WNK2: variants seen among roughly 807,000 people sequenced by gnomAD.
WNK2 encodes the protein serine/threonine-protein kinase WNK2.
Under a neutral mutation model 192.1 loss-of-function variants are expected in WNK2, and 67 were observed. The ratio of observed to expected loss-of-function variants is 0.35; its 90% CI spans 0.29 to 0.43. The LOEUF (loss-of-function observed/expected upper bound fraction) is 0.43. WNK2 is among the 20% of genes least tolerant of loss of function. The pLI is 1.00. For missense variants in WNK2, 2,698 were observed against 3,089.7 expected, an observed-to-expected ratio of 0.87 and a Z score of 3.01; for synonymous variants, 1,439 against 1,393.9, an observed-to-expected ratio of 1.03 and a Z score of -0.72.
chr9:93,280,673 T>C (rs1847595260), intron 19 of WNK2, among the ~76,000 whole-genome samples: 1 of 152,234 alleles, frequency 6.6e-6, no homozygotes, highest in Non-Finnish European at 1.5e-5. Context: ...TTCATCTTCA[T>C]TGAAGTCAGA....
intron 2 of WNK2, among the ~76,000 whole-genome samples, chr9:93,228,013 G>C (rs1838109681): frequency 6.6e-6 from 1 of 152,150 alleles, no homozygotes; most frequent in African/African-American, 2.4e-5. Flanking sequence ...TTACTTACTT[G>C]TGTCAACTTA....
chr9:93,292,854 A>G lies in WNK2; in HGVS notation c.5389A>G (p.Ile1797Val). ...AVRRAQTASS[I>V]EVGVGEPVSS... ...GCGGCGGGCGCAGACGGCCTCCTCC[A>G]TCGAGGTCGGCGTGGGCGAGCCCGT... Residue 1797 changes from isoleucine (I) to valine (V), a missense_variant, in exon 23 of 30, where the codon ATC becomes GTC. By Grantham distance (29) the Ile-to-Val change is conservative (BLOSUM62 3). This residue lies in a region of WNK2 where 1,098 missense variants were observed against 1,101.0 expected (regional missense o/e 1.00). Coordinates refer to ENST00000427277, the MANE Select transcript of WNK2 (RefSeq NM_006648.4). The G allele has an allele frequency of 1.3e-6, 2 of 1,493,804 alleles. No individual in the cohort carries two copies. Among genetic ancestry groups the G allele is most frequent in the Non-Finnish European group, 1.8e-6 (2 of 1,120,592 alleles). The allele number at this position is 1,493,804 out of a possible 1,614,324, so 92.5% of individuals were successfully genotyped here. A position where few individuals can be genotyped will look rare whatever the true frequency, so the allele number is the denominator to read the frequency against.
intron 2 of WNK2, among the ~76,000 whole-genome samples, chr9:93,193,345 A>G (rs889520797): frequency 6.6e-6 from 1 of 152,070 alleles, no homozygotes; most frequent in Non-Finnish European, 1.5e-5. Context: ...TGGGGGCTCT[A>G]TTGAGAGAAA....
intron 19 of WNK2, 92 bp downstream of exon 19, chr9:93,268,838 A>T: frequency 6.3e-7 from 1 of 1,575,998 alleles, no homozygotes; most frequent in East Asian, 2.4e-5. Flanking sequence ...CCCCGTGCCC[A>T]GGTCCATGCA....
intron 11 of WNK2, among the ~76,000 whole-genome samples, chr9:93,258,660 A>C (rs559572972): frequency 6.6e-6 from 1 of 152,050 alleles, no homozygotes; most frequent in Non-Finnish European, 1.5e-5. Context: ...CCTGCGCTGG[A>C]CCAGGGGTGA....
At chr9:93,273,303 A>G (rs1222891628) in intron 19 of WNK2, among the ~76,000 whole-genome samples, 2 of 152,206 alleles carry the variant, frequency 1.3e-5, no homozygotes, top group Admixed American at 1.3e-4. Flanking sequence ...GACTGCAGGC[A>G]CACACCACTG....
intron 2 of WNK2, among the ~76,000 whole-genome samples, chr9:93,216,073 C>A (rs568812925): frequency 2.0e-5 from 3 of 152,296 alleles, no homozygotes; most frequent in African/African-American, 7.2e-5. Context: ...TTGGTCTGTT[C>A]TGTTTTATCC....
Position 93,259,095 on chromosome 9 carries a change from T to A in WNK2, c.2547T>A (p.Pro849=), listed in dbSNP as rs750811844. The A allele has an allele frequency of 6.2e-7, 1 of 1,611,120 alleles. No homozygotes were observed. Among genetic ancestry groups the A allele is most frequent in the East Asian group, 2.2e-5 (1 of 44,742 alleles). The change falls in exon 12 of 30, where the codon CCT becomes CCA. Residue 849 remains proline, a synonymous_variant. Coordinates refer to ENST00000427277, the MANE Select transcript of WNK2 (RefSeq NM_006648.4). This position sits in a 1 kb window ranked among gnomAD's most constrained non-coding sequence, Gnocchi z 4.8. ...ILPSLAAPLP[P]ASPALPLQAV... ...CGAGCCTCGCTGCCCCACTCCCCCCTGCGTCCCCAGCCTTGCCTCTGCAGG... is the reference window on the plus strand; with the variant it reads ...CGAGCCTCGCTGCCCCACTCCCCCCAGCGTCCCCAGCCTTGCCTCTGCAGG...
Position 93,318,069 on chromosome 9 carries a change from A to G in WNK2, c.6628+438A>G, listed in dbSNP as rs373398835. 3.7e-6 allele frequency: 6 copies of G among 1,609,034 alleles called. No homozygotes were observed. In the African/African-American group the frequency reaches 8.0e-5, roughly 22 times the overall value. ...CGCCGTCTCCACACCCACTTCCTAT[A>G]CTTGAGTTGATGGTTAGAACCTTGT... On this transcript the variant is annotated intron_variant, in intron 29 of 29. Transcript: ENST00000427277.
chr9:93,282,875 TTTTAA>T (rs1277319931), intron 19 of WNK2, among the ~76,000 whole-genome samples: 1 of 152,188 alleles, frequency 6.6e-6, no homozygotes, highest in Non-Finnish European at 1.5e-5. Context: ...CACAGAATAT[TTTTAA>T]TTTAACTTTA....
At position 93,231,081 on chromosome 9, in the gene WNK2, A is replaced by G. The variant is rs1165227912; in HGVS notation, c.1048A>G (p.Arg350Gly). ...CGACTTGGGCCTGGCCACTCTGAAA[A>G]GAGCGTCATTTGCCAAAAGTGTGAT... ...IGDLGLATLKRASFAKSVIGT... is the reference protein window; with the variant it reads ...IGDLGLATLKGASFAKSVIGT... The change falls in exon 4 of 30, where the codon AGA becomes GGA. Residue 350 changes from arginine (R) to glycine (G), a missense_variant. Transcript: ENST00000427277. 3.1e-6 allele frequency: 5 copies of G among 1,613,942 alleles called. No homozygotes were observed. Among genetic ancestry groups the G allele is most frequent in the Non-Finnish European group, 4.2e-6 (5 of 1,179,892 alleles).
At chr9:93,256,140 G>A (rs1843249927) in intron 9 of WNK2, among the ~76,000 whole-genome samples, 159 bp from the exon 10 acceptor site, 6 of 152,134 alleles carry the variant, frequency 3.9e-5, no homozygotes, top group Admixed American at 3.9e-4. Flanking sequence ...TGTGAATGAT[G>A]CCCAGGGCTC....
Position 93,234,305 on chromosome 9 carries a change from G to T in WNK2, c.1076-503G>T, listed in dbSNP as rs566089904. Among the ~76,000 whole-genome samples the T allele has an allele frequency of 1.2e-4, 18 of 152,292 alleles. No homozygotes were observed. The East Asian group carries it at 3.5e-3, about 29-fold the overall frequency. The stretch of plus-strand genomic sequence containing the variant: ...TGATGCTGACTGTTGTACATGCTGC[G>T]TGACACTTGTAGGGGTGGGCTGAGT... On this transcript the variant is annotated intron_variant, in intron 4 of 29. Transcript: ENST00000427277.
At chr9:93,212,791 A>G (rs1272408979) in intron 2 of WNK2, among the ~76,000 whole-genome samples, 1 of 152,182 alleles carries the variant, frequency 6.6e-6, no homozygotes, top group Non-Finnish European at 1.5e-5. Context: ...GTTTGTTTAA[A>G]AGAGAGAGGA....
At chr9:93,287,786 C>T (rs912186602) in intron 19 of WNK2, among the ~76,000 whole-genome samples, 3 of 152,012 alleles carry the variant, frequency 2.0e-5, no homozygotes, top group Admixed American at 6.6e-5. Flanking sequence ...GTGGGCTGGG[C>T]GTGGGGGCTC....
chr9:93,311,993 T>C (rs1311799217), intron 28 of WNK2, among the ~76,000 whole-genome samples: 3 of 152,246 alleles, frequency 2.0e-5, no homozygotes, highest in Admixed American at 6.5e-5. Context: ...GTGGTTTTGC[T>C]TTACATTTTC....
intron 5 of WNK2, among the ~76,000 whole-genome samples, chr9:93,235,449 C>T (rs373242208): frequency 2.6e-3 from 402 of 152,362 alleles, no homozygotes; most frequent in African/African-American, 9.1e-3. Context: ...TGTCTCTAGG[C>T]AGTCGTCAGC....
intron 8 of WNK2, among the ~76,000 whole-genome samples, chr9:93,249,940 A>C (rs1476599160): frequency 8.1e-6 from 1 of 123,800 alleles, no homozygotes; most frequent in African/African-American, 3.2e-5. Flanking sequence ...TTTTAAAGAC[A>C]GTCTCGCTCT....
intron 19 of WNK2, among the ~76,000 whole-genome samples, chr9:93,281,115 A>G (rs1024234590): frequency 5.3e-4 from 81 of 152,300 alleles, no homozygotes; most frequent in African/African-American, 1.9e-3. Flanking sequence ...TTCACAAGGA[A>G]ACATCCAGGA....
Sources: gnomAD v4.1 joint callset for allele counts (sites outside exome capture counted in the v4.1 genomes callset) on GRCh38, gnomAD v4.1.1 for gene constraint, gnomAD v4.1.1 regional missense constraint, Gnocchi (gnomAD v3.1) non-coding constraint, MANE v1.5 for transcripts, NCBI Gene and HGNC (gene_info 2026-07-23, HGNC 2026-07-21) for gene names.